Variants in ISM1 observed in about 807,000 individuals in gnomAD.
ISM1 encodes isthmin-1.
In ISM1, 25 loss-of-function variants were observed where a neutral mutation model predicts 46.3. The observed-to-expected ratio is 0.54, with a 90% CI of 0.39 to 0.75. The LOEUF (loss-of-function observed/expected upper bound fraction) is 0.75. Among genes scored for constraint, ISM1 ranks in the 30% least tolerant of loss-of-function variants. The probability of loss-of-function intolerance (pLI) is 0.00; values close to 1 mark genes in which losing one functional copy is unlikely to be tolerated. For missense variants in ISM1, 536 were observed against 625.4 expected (o/e 0.86, Z 1.52); for synonymous variants, 255 against 256.7 (o/e 0.99, Z 0.06).
At chr20:13,258,793 C>T (rs2039955091) in intron 1 of ISM1, among the ~76,000 whole-genome samples, 1 of 152,168 alleles carries the variant, frequency 6.6e-6, no homozygotes, top group Non-Finnish European at 1.5e-5. Flanking sequence ...TGGTGCATGG[C>T]CTTCTGTTCT....
chr20:13,248,961 C>T (rs367560380), intron 1 of ISM1, among the ~76,000 whole-genome samples: 12 of 152,260 alleles, frequency 7.9e-5, no homozygotes, highest in South Asian at 6.2e-4. Flanking sequence ...ACTTCTTAAG[C>T]GGCTTGTACA....
chr20:13,325,053 G>T, the ISM1 span, among the ~76,000 whole-genome samples: 1 of 152,164 alleles, frequency 6.6e-6, no homozygotes, highest in Non-Finnish European at 1.5e-5. Context: ...GAATGTTTCT[G>T]TTTATTTTAT....
At chr20:13,234,775 G>A (rs1050776704) in intron 1 of ISM1, among the ~76,000 whole-genome samples, 3 of 152,112 alleles carry the variant, frequency 2.0e-5, no homozygotes, top group Non-Finnish European at 4.4e-5. Flanking sequence ...GCCTGTTCAT[G>A]TCCTTTGTCG....
the ISM1 span, among the ~76,000 whole-genome samples, chr20:13,307,670 G>A: frequency 1.3e-5 from 2 of 152,088 alleles, no homozygotes; most frequent in Non-Finnish European, 2.9e-5. Context: ...TTGACCTTCG[G>A]GTAAATGGAA....
chr20:13,310,809 T>C, the ISM1 span, among the ~76,000 whole-genome samples: 1 of 152,214 alleles, frequency 6.6e-6, no homozygotes, highest in Non-Finnish European at 1.5e-5. Context: ...TGGATATATG[T>C]AAAGTTGCTC....
At chr20:13,306,694 G>C in the ISM1 span, among the ~76,000 whole-genome samples, 2 of 151,948 alleles carry the variant, frequency 1.3e-5, no homozygotes, top group African/African-American at 4.8e-5. Flanking sequence ...TTTGCAAAGG[G>C]AAGACAAGAG....
chr20:13,264,827 T>C (rs867233100), intron 1 of ISM1, among the ~76,000 whole-genome samples: 6 of 152,322 alleles, frequency 3.9e-5, no homozygotes, highest in Middle Eastern at 6.8e-3. Flanking sequence ...AGAGGTTTTC[T>C]CTTCTTGATT....
At position 13,299,477 on chromosome 20, in the gene ISM1, G is replaced by A. The variant is rs2040439280; in HGVS notation, c.*18G>A. ...AATATTAAAGAGACTGGGATGAGGT[G>A]GAGGACGCTGCCTCTGGTTCTGGAG... On this transcript the variant is annotated 3_prime_UTR_variant, in exon 6 of 6. Transcript: ENST00000262487. This position sits in a 1 kb window ranked among gnomAD's most constrained non-coding sequence, Gnocchi z 5.8. 6.3e-7 allele frequency: 1 copy of A among 1,576,942 alleles called. No individual in the cohort carries two copies. Among genetic ancestry groups the A allele is most frequent in the Non-Finnish European group, 8.6e-7 (1 of 1,163,278 alleles).
chr20:13,221,722 ACCG>A lies in ISM1; in HGVS notation c.-42_-40del, dbSNP rs1211798321. 555 of 1,303,828 alleles carry A rather than the reference ACCG, an allele frequency of 4.3e-4. No individual in the cohort carries two copies. Among genetic ancestry groups the A allele is most frequent in the South Asian group, 2.5e-3 (127 of 49,868 alleles). The allele number at this position is 1,303,828 out of a possible 1,614,324, so 80.8% of individuals were successfully genotyped here. Reference sequence around the variant, plus strand: ...CTCCTACTCCTCCTCCCCCGGCGTCACCGCCGCCGCCGCCGGCCGCCGCGCCGG... The same window carrying A: ...CTCCTACTCCTCCTCCCCCGGCGTCACCGCCGCCGCCGGCCGCCGCGCCGG... On this transcript the variant is annotated 5_prime_UTR_variant, in exon 1 of 6. Transcript: ENST00000262487.
At chr20:13,286,205 C>T (rs555460041) in intron 3 of ISM1, among the ~76,000 whole-genome samples, 11 of 151,984 alleles carry the variant, frequency 7.2e-5, no homozygotes, top group Non-Finnish European at 1.5e-4. Flanking sequence ...TGCTCATGTG[C>T]GTATGACCCG....
the ISM1 span, among the ~76,000 whole-genome samples, chr20:13,318,965 A>T: frequency 6.6e-6 from 1 of 152,190 alleles, no homozygotes; most frequent in African/African-American, 2.4e-5. Flanking sequence ...GTCATTATAC[A>T]TTTGTCCAAA....
In ISM1 at chr20:13,288,484, G is replaced by A. The variant is rs1218072628; in HGVS notation, c.644-56G>A. On this transcript the variant is annotated intron_variant, in intron 3 of 5. Transcript: ENST00000262487. Reference sequence around the variant, plus strand: ...AATAATTGACAGGCTGCTTGATGGGGAGATTGGGAGACTCTTTGGCCAAAG... The same window carrying A: ...AATAATTGACAGGCTGCTTGATGGGAAGATTGGGAGACTCTTTGGCCAAAG... The A allele has an allele frequency of 3.2e-6, 5 of 1,568,644 alleles. No homozygotes were observed. In the Admixed American group the frequency reaches 5.2e-5, roughly 16 times the overall value.
At chr20:13,227,513 CTT>C (rs57317837) in intron 1 of ISM1, among the ~76,000 whole-genome samples, 16 of 115,428 alleles carry the variant, frequency 1.4e-4, no homozygotes, top group Non-Finnish European at 1.3e-4. Flanking sequence ...CAACTTTTTT[CTT>C]TTTTTTTTTT....
chr20:13,303,218 G>GCTCTC (rs370495555), downstream of ISM1, among the ~76,000 whole-genome samples: 3 of 152,176 alleles, frequency 2.0e-5, no homozygotes, highest in African/African-American at 7.2e-5. Flanking sequence ...TAACGCCTGT[G>GCTCTC]CTCTCCTCTC....
chr20:13,312,002 C>T, the ISM1 span, among the ~76,000 whole-genome samples: 3 of 152,256 alleles, frequency 2.0e-5, no homozygotes, highest in African/African-American at 7.2e-5. Context: ...AATGTATACA[C>T]ATATCAAAAC....
intron 3 of ISM1, among the ~76,000 whole-genome samples, chr20:13,288,303 G>C (rs2040314999): frequency 6.6e-6 from 1 of 152,042 alleles, no homozygotes; most frequent in Admixed American, 6.6e-5. Context: ...GTGTTTTCTG[G>C]GCACCTTCTA....
intron 1 of ISM1, among the ~76,000 whole-genome samples, chr20:13,230,548 C>T (rs752593643): frequency 2.6e-5 from 4 of 152,152 alleles, no homozygotes; most frequent in Admixed American, 1.3e-4. Context: ...ACAAATTTTA[C>T]CCTTTACAAA....
At chr20:13,311,216 T>TAGATAGATAGATAGATA in the ISM1 span, among the ~76,000 whole-genome samples, 11 of 133,298 alleles carry the variant, frequency 8.3e-5, no homozygotes, top group African/African-American at 2.6e-4. Context: ...TATAGATAGA[T>TAGATAGATAGATAGATA]GATAGATAGA....
chr20:13,314,301 A>T, the ISM1 span, among the ~76,000 whole-genome samples: 1 of 151,976 alleles, frequency 6.6e-6, no homozygotes, highest in Non-Finnish European at 1.5e-5. Flanking sequence ...GATAATGCCA[A>T]AAAGAAAAAC....
Sources: allele counts gnomAD v4.1 joint callset (sites outside exome capture counted in the v4.1 genomes callset), GRCh38; gene constraint gnomAD v4.1.1; non-coding constraint Gnocchi (gnomAD v3.1); transcripts MANE v1.5; gene names NCBI Gene and HGNC (gene_info 2026-07-23, HGNC 2026-07-21).